ANO10: variants seen among roughly 807,000 people sequenced by gnomAD.
ANO10 encodes anoctamin 10, also known as anoctamin-10.
ANO10 carries 77 observed loss-of-function variants against 74.7 expected under a neutral mutation model. That is an observed-to-expected ratio of 1.03 (90% CI 0.86 to 1.25). ANO10 has a LOEUF of 1.25. Ranked by LOEUF, ANO10 falls within the 50% of genes most tolerant of loss-of-function variation. The pLI is 0.00. For synonymous variants in ANO10, 279 were observed against 284.9 expected (o/e 0.98, Z 0.21); for missense variants, 721 against 778.1 (o/e 0.93, Z 0.87).
At chr3:43,652,255 C>T (rs908317043) in intron 1 of ANO10, among the ~76,000 whole-genome samples, 4 of 151,904 alleles carry the variant, frequency 2.6e-5, no homozygotes, top group Non-Finnish European at 5.9e-5. Context: ...TTACTACAAA[C>T]ATATAGTAAT....
intron 12 of ANO10, among the ~76,000 whole-genome samples, chr3:43,428,319 G>T (rs1425311251): frequency 6.6e-6 from 1 of 151,860 alleles, no homozygotes; most frequent in East Asian, 1.9e-4. Flanking sequence ...CAAAGTGCTG[G>T]GATTACAGGC....
At chr3:43,572,996 T>A (rs2080812151) in intron 7 of ANO10, among the ~76,000 whole-genome samples, 1 of 136,286 alleles carries the variant, frequency 7.3e-6, no homozygotes, top group African/African-American at 2.8e-5. Context: ...AACCAACGGC[T>A]TTTTTTTTTT....
At chr3:43,453,306 A>G (rs934875644) in intron 11 of ANO10, among the ~76,000 whole-genome samples, 5 of 151,226 alleles carry the variant, frequency 3.3e-5, no homozygotes, top group African/African-American at 1.2e-4. Context: ...CAGCCTCCCA[A>G]GTAGCTGGGA....
intron 12 of ANO10, among the ~76,000 whole-genome samples, chr3:43,412,485 G>A (rs575646362): frequency 1.2e-4 from 19 of 152,258 alleles, no homozygotes; most frequent in African/African-American, 4.1e-4. Flanking sequence ...CTGCTCTGGC[G>A]CATTCTCACA....
intron 12 of ANO10, among the ~76,000 whole-genome samples, chr3:43,386,063 G>C (rs1306118701): frequency 6.6e-6 from 1 of 152,162 alleles, no homozygotes; most frequent in East Asian, 1.9e-4. Context: ...CCATGGACAA[G>C]GGGGGAATAA....
intron 11 of ANO10, among the ~76,000 whole-genome samples, chr3:43,480,053 C>T (rs1347001642): frequency 2.0e-5 from 3 of 152,114 alleles, no homozygotes; most frequent in Admixed American, 2.0e-4. Flanking sequence ...GTACAGAATG[C>T]TATTTTCTAA....
chr3:43,468,007 A>T (rs1207175137), intron 11 of ANO10, among the ~76,000 whole-genome samples: 2 of 152,018 alleles, frequency 1.3e-5, no homozygotes, highest in Non-Finnish European at 2.9e-5. Context: ...GAGCATAAGT[A>T]CTCTTTTGTG....
intron 10 of ANO10, among the ~76,000 whole-genome samples, chr3:43,552,203 C>T (rs1193110387): frequency 6.6e-6 from 1 of 152,080 alleles, no homozygotes; most frequent in Admixed American, 6.6e-5. Context: ...CCTCCCTCTA[C>T]CATCTGTTAT....
At chr3:43,584,324 C>T (rs575150446) in intron 4 of ANO10, among the ~76,000 whole-genome samples, 38 of 152,168 alleles carry the variant, frequency 2.5e-4, no homozygotes, top group Non-Finnish European at 4.1e-4. Flanking sequence ...GTTTAGAGCA[C>T]AGGCATATAA....
chr3:43,480,554 T>C (rs569595305), intron 11 of ANO10, among the ~76,000 whole-genome samples: 11 of 152,136 alleles, frequency 7.2e-5, no homozygotes, highest in Non-Finnish European at 1.0e-4. Flanking sequence ...CAGATGGGCA[T>C]AAAGATGTCT....
intron 4 of ANO10, among the ~76,000 whole-genome samples, chr3:43,581,692 G>A (rs77584619): frequency 0.012 from 1,873 of 152,180 alleles, 14 homozygotes; most frequent in Non-Finnish European, 0.019. Flanking sequence ...AGGCTGAGGC[G>A]GAGTATTGCT....
At chr3:43,511,447 A>G (rs2077504896) in intron 11 of ANO10, among the ~76,000 whole-genome samples, 1 of 152,150 alleles carries the variant, frequency 6.6e-6, no homozygotes, top group South Asian at 2.1e-4. Flanking sequence ...TATTAAATTA[A>G]CGTCTAACAT....
At chr3:43,474,901 GA>G (rs993557168) in intron 11 of ANO10, among the ~76,000 whole-genome samples, 4 of 109,546 alleles carry the variant, frequency 3.7e-5, no homozygotes, top group Non-Finnish European at 8.8e-5. Flanking sequence ...TTATTTTGTA[GA>G]ATTTTTTTTT....
intron 1 of ANO10, among the ~76,000 whole-genome samples, chr3:43,673,466 G>A (rs1369805492): frequency 6.6e-5 from 10 of 152,050 alleles, no homozygotes; most frequent in Admixed American, 3.9e-4. Flanking sequence ...AATGTTCAGT[G>A]GCATAAATAA....
At chr3:43,592,708 T>C (rs2081854022) in intron 4 of ANO10, among the ~76,000 whole-genome samples, 1 of 152,202 alleles carries the variant, frequency 6.6e-6, no homozygotes, top group South Asian at 2.1e-4. Context: ...TCCAAAGAAA[T>C]GCAGCTCCTC....
Position 43,648,838 on chromosome 3 carries a change from G to A in ANO10, c.-12+42679C>T, listed in dbSNP as rs373225489. Among the ~76,000 whole-genome samples, 25 of 152,024 alleles carry A rather than the reference G, an allele frequency of 1.6e-4. No individual in the cohort carries two copies. The East Asian group carries it at 3.5e-3, about 21-fold the overall frequency. ...ACTATAGGCGCCCACCACCACGTCC[G>A]GCTAATTTTTTTGTATTTTTAGTAG... is the stretch of plus-strand genomic sequence containing the variant. On this transcript the variant is annotated intron_variant, in intron 1 of 3. Coordinates refer to the ANO10 transcript ENST00000413397.
chr3:43,516,012 C>T (rs966644688), intron 11 of ANO10, among the ~76,000 whole-genome samples: 3 of 152,160 alleles, frequency 2.0e-5, no homozygotes, highest in Non-Finnish European at 4.4e-5. Flanking sequence ...TCATTCTCTT[C>T]GTGATCTGAG....
chr3:43,506,982 G>A (rs2077319353), intron 11 of ANO10, among the ~76,000 whole-genome samples: 1 of 152,096 alleles, frequency 6.6e-6, no homozygotes. Context: ...GTTCACTGCT[G>A]TATCCTCACT....
At chr3:43,384,016 A>C (rs1461374274) in intron 12 of ANO10, among the ~76,000 whole-genome samples, 1 of 152,188 alleles carries the variant, frequency 6.6e-6, no homozygotes, top group Non-Finnish European at 1.5e-5. Flanking sequence ...ATACCTAAAA[A>C]ACCCTAAAGA....
Sources: allele counts gnomAD v4.1 joint callset (sites outside exome capture counted in the v4.1 genomes callset), GRCh38; gene constraint gnomAD v4.1.1; transcripts MANE v1.5; gene names NCBI Gene and HGNC (gene_info 2026-07-23, HGNC 2026-07-21).